The following DNAH11 variants were observed in gnomAD, a reference collection of about 807,000 sequenced individuals.
DNAH11 encodes axonemal beta dynein heavy chain 11.
A neutral mutation model predicts 526.0 loss-of-function variants in DNAH11; 442 were observed. The ratio of observed to expected loss-of-function variants is 0.84; its 90% CI spans 0.78 to 0.91. DNAH11 has a LOEUF of 0.91. Ranked by LOEUF, DNAH11 falls within the 40% of genes least tolerant of loss-of-function variation. The pLI, the probability that DNAH11 is intolerant of heterozygous loss-of-function variation, is 0.00. For missense variants in DNAH11, 6,989 were observed against 5,448.7 expected (o/e 1.28, Z -8.90); for synonymous variants, 2,461 against 1,935.9 (o/e 1.27, Z -7.12).
intron 28 of DNAH11, among the ~76,000 whole-genome samples, chr7:21,650,413 CTGTGTT>C (rs1787573275): frequency 6.6e-6 from 1 of 151,828 alleles, no homozygotes; most frequent in African/African-American, 2.4e-5. Flanking sequence ...TTAAATGTGT[CTGTGTT>C]TGTGAGTTAT....
In DNAH11 at chr7:21,900,882, C is replaced by A. The variant is rs1784775039; in HGVS notation, c.13304-125C>A. 5 of 1,450,442 alleles carry A rather than the reference C, an allele frequency of 3.4e-6. No individual in the cohort carries two copies. In the South Asian group the frequency reaches 7.9e-5, roughly 23 times the overall value. 89.8% of individuals were successfully genotyped at this position (1,450,442 alleles called of 1,614,324 possible). A position where few individuals can be genotyped will look rare whatever the true frequency, so the allele number is the denominator to read the frequency against. ...CAGTCCGGCCAGCTCAGTAAAAATACCACTGACAAGCAAAAATATGACAAA... is the reference window on the plus strand; with the variant it reads ...CAGTCCGGCCAGCTCAGTAAAAATAACACTGACAAGCAAAAATATGACAAA... On this transcript the variant is annotated intron_variant, in intron 81 of 81. Coordinates refer to ENST00000409508, the MANE Select transcript of DNAH11 (RefSeq NM_001277115.2).
Position 21,750,325 on chromosome 7 carries a change from T to C in DNAH11, c.8901T>C (p.Cys2967=). 3.7e-6 allele frequency: 6 copies of C among 1,605,758 alleles called. No individual in the cohort carries two copies. Among genetic ancestry groups the C allele is most frequent in the Non-Finnish European group, 5.1e-6 (6 of 1,175,992 alleles). ...GCATGGTAGACTCCAGGGAAAACTG[T>C]TGGAAATTCTTTATGGCCAGGGTGC... The part of the protein sequence containing the change: ...ALGMVDSREN[C]WKFFMARVRL... Residue 2967 remains cysteine (C), a synonymous_variant, in exon 54 of 82, where the codon TGT becomes TGC. Coordinates refer to ENST00000409508, the MANE Select transcript of DNAH11 (RefSeq NM_001277115.2).
chr7:21,835,656 A>G (rs1781965146), intron 65 of DNAH11, among the ~76,000 whole-genome samples: 1 of 152,286 alleles, frequency 6.6e-6, no homozygotes, highest in Non-Finnish European at 1.5e-5. Flanking sequence ...CAGCTAACAT[A>G]TTAAACAGGG....
chr7:21,590,393 A>G (rs1168340025), intron 12 of DNAH11, among the ~76,000 whole-genome samples: 1 of 152,210 alleles, frequency 6.6e-6, no homozygotes, highest in Non-Finnish European at 1.5e-5. Context: ...TTTCCATGAC[A>G]AAACACAAAA....
intron 57 of DNAH11, among the ~76,000 whole-genome samples, chr7:21,783,775 AGAG>A (rs545673585): frequency 6.6e-6 from 1 of 152,148 alleles, no homozygotes; most frequent in South Asian, 2.1e-4. Context: ...TGGATCCACA[AGAG>A]GAGAGTGGGT....
intron 9 of DNAH11, among the ~76,000 whole-genome samples, chr7:21,584,639 T>A (rs189825646): frequency 2.0e-4 from 30 of 152,260 alleles, no homozygotes; most frequent in African/African-American, 7.0e-4. Flanking sequence ...GAAACTCAGG[T>A]GCCAGCCATC....
Position 21,704,540 on chromosome 7 carries a change from C to T in DNAH11, c.6380C>T (p.Pro2127Leu), listed in dbSNP as rs368090876. The T allele has an allele frequency of 2.5e-6, 4 of 1,613,658 alleles. No homozygotes were observed. The highest frequency in any genetic ancestry group is 2.5e-6 in the Non-Finnish European group (3 of 1,179,824). ...VGDLFPALDV[P>L]RRRKLHFEQM... ...GACCTGTTTCCAGCCCTGGATGTGC[C>T]CCGGAGGAGGAAGCTGCACTTTGAA... Residue 2127 changes from proline to leucine, a missense_variant, in exon 38 of 82, where the codon CCC becomes CTC. Pro to Leu is a moderately conservative substitution (Grantham distance 98, BLOSUM62 -3). Coordinates refer to ENST00000409508, the MANE Select transcript of DNAH11 (RefSeq NM_001277115.2).
At chr7:21,647,252 C>T (rs976462492) in intron 28 of DNAH11, among the ~76,000 whole-genome samples, 2 of 151,428 alleles carry the variant, frequency 1.3e-5, no homozygotes, top group African/African-American at 2.4e-5. Context: ...AGCCCAAACA[C>T]AAAAAAAGAA....
chr7:21,774,594 G>A lies in DNAH11; in HGVS notation c.9336+595G>A, dbSNP rs553701834. Reference sequence around the variant, plus strand: ...TCTGTACACATATTATCATTATTTCGTTGTTAAAAAAGGATTTCATGAAGT... The same window carrying A: ...TCTGTACACATATTATCATTATTTCATTGTTAAAAAAGGATTTCATGAAGT... On this transcript the variant is annotated intron_variant, in intron 56 of 81. Transcript: ENST00000409508. Among the ~76,000 whole-genome samples the A allele has an allele frequency of 2.3e-4, 35 of 152,216 alleles. No individual in the cohort carries two copies. The South Asian group carries it at 4.4e-3, about 19-fold the overall frequency.
intron 66 of DNAH11, chr7:21,851,172 A>G (rs1429883959): frequency 1.9e-5 from 3 of 161,668 alleles, no homozygotes; most frequent in South Asian, 3.5e-4. Context: ...GAATCACGGG[A>G]TTGGTTTCCT....
In DNAH11 at chr7:21,601,461, G is replaced by A. The variant is rs781520837; in HGVS notation, c.3491G>A (p.Gly1164Asp). ...GGACTTCAGAGAGAATTAAATGAAG[G>A]TGATCATGATGGTTTAGTTGACATC... ...DSGLQRELNEGDHDGLVDIMV... is the reference protein window; with the variant it reads ...DSGLQRELNEDDHDGLVDIMV... Residue 1164 changes from glycine (G) to aspartate (D), a missense_variant, in exon 18 of 82, where the codon GGT (glycine) becomes GAT (aspartate). Gly to Asp is a moderately conservative substitution (Grantham distance 94). Transcript: ENST00000409508. The A allele has an allele frequency of 1.9e-6, 3 of 1,613,696 alleles. No homozygotes were observed. The South Asian group carries it at 3.3e-5, about 18-fold the overall frequency.
intron 30 of DNAH11, among the ~76,000 whole-genome samples, chr7:21,659,744 T>A (rs1782166180): frequency 6.6e-6 from 1 of 152,152 alleles, no homozygotes. Flanking sequence ...TTCTTCCTGG[T>A]ACTGAGTTAG....
At chr7:21,896,044 T>C (rs1784504383) in intron 79 of DNAH11, among the ~76,000 whole-genome samples, 1 of 152,204 alleles carries the variant, frequency 6.6e-6, no homozygotes, top group African/African-American at 2.4e-5. Flanking sequence ...TTTTGATTTT[T>C]CTAACACAAT....
At chr7:21,746,010 C>T (rs1042800372) in intron 51 of DNAH11, among the ~76,000 whole-genome samples, 1 of 152,330 alleles carries the variant, frequency 6.6e-6, no homozygotes, top group East Asian at 1.9e-4. Context: ...AATGGAGAGG[C>T]AGGAACTGGC....
In DNAH11 at chr7:21,690,872, C is replaced by T. The variant is rs375824434; in HGVS notation, c.6032C>T (p.Ala2011Val). The change falls in exon 35 of 82, where the codon GCT becomes GTT. Residue 2011 changes from alanine to valine, a missense_variant. Ala to Val is a moderately conservative substitution (Grantham distance 64). Coordinates refer to ENST00000409508, the MANE Select transcript of DNAH11 (RefSeq NM_001277115.2). ...ACCGAATTACCGGAAAATCTCAAAGCTCTTTTCAGGCAAGTGTTATGCTTT... is the reference window on the plus strand; with the variant it reads ...ACCGAATTACCGGAAAATCTCAAAGTTCTTTTCAGGCAAGTGTTATGCTTT... The part of the protein sequence containing the change: ...GRTELPENLK[A>V]LFRPCAMVAP... 1.7e-5 allele frequency: 27 copies of T among 1,611,700 alleles called. No individual in the cohort carries two copies. The highest frequency in any genetic ancestry group is 2.7e-5 in the African/African-American group (2 of 74,854).
At position 21,635,966 on chromosome 7, in the gene DNAH11, C is replaced by T; in HGVS notation, c.4596C>T (p.Val1532=). The T allele has an allele frequency of 1.2e-6, 2 of 1,613,550 alleles. No homozygotes were observed. Residue 1532 remains valine, a synonymous_variant, in exon 26 of 82, where the codon GTC becomes GTT. Coordinates refer to ENST00000409508, the MANE Select transcript of DNAH11 (RefSeq NM_001277115.2). The part of the protein sequence containing the change: ...WQNKLNIADL[V]IFTWMEVQRT... ...ATAAATTAAACATAGCAGACTTGGT[C>T]ATCTTCACTTGGATGGAAGTCCAGC...
intron 8 of DNAH11, among the ~76,000 whole-genome samples, chr7:21,579,335 A>G (rs993783240): frequency 6.6e-6 from 1 of 152,208 alleles, no homozygotes; most frequent in African/African-American, 2.4e-5. Flanking sequence ...AAATATTGGT[A>G]CTGTAATTGT....
intron 63 of DNAH11, among the ~76,000 whole-genome samples, chr7:21,814,059 C>T (rs1789655849): frequency 6.6e-6 from 1 of 152,172 alleles, no homozygotes; most frequent in South Asian, 2.1e-4. Context: ...TACAAACCTG[C>T]ACAGCATGTT....
chr7:21,594,978 T>TA (rs1266295667), intron 14 of DNAH11, among the ~76,000 whole-genome samples: 2 of 152,178 alleles, frequency 1.3e-5, no homozygotes, highest in Non-Finnish European at 2.9e-5. Context: ...AGACCCTCTG[T>TA]AGGGAGGCTA....
Sources: gnomAD v4.1 joint callset for allele counts (sites outside exome capture counted in the v4.1 genomes callset) on GRCh38, gnomAD v4.1.1 for gene constraint, MANE v1.5 for transcripts, NCBI Gene and HGNC (gene_info 2026-07-23, HGNC 2026-07-21) for gene names.